ADK: variants seen among roughly 807,000 people sequenced by gnomAD.
ADK encodes adenosine kinase, also known as N6,N6-dimethyladenosine kinase.
Under a neutral mutation model 44.7 loss-of-function variants are expected in ADK, and 24 were observed. The ratio of observed to expected loss-of-function variants is 0.54; its 90% CI spans 0.39 to 0.76. ADK has a LOEUF of 0.76. ADK is among the 30% of genes least tolerant of loss of function. The pLI is 0.00. For missense variants in ADK, 321 were observed against 425.1 expected, an observed-to-expected ratio of 0.76 and a Z score of 2.15; for synonymous variants, 128 against 142.6, an observed-to-expected ratio of 0.90 and a Z score of 0.73.
At chr10:74,326,959 C>T (rs968677113) in intron 4 of ADK, among the ~76,000 whole-genome samples, 2 of 151,248 alleles carry the variant, frequency 1.3e-5, no homozygotes, top group Non-Finnish European at 3.0e-5. Context: ...AGGTTTGTTG[C>T]TTTTGGCTAT....
chr10:74,151,638 C>T (rs896613554), intron 1 of ADK, among the ~76,000 whole-genome samples: 50 of 152,226 alleles, frequency 3.3e-4, no homozygotes, highest in African/African-American at 1.2e-3. Flanking sequence ...CCAGGCTGGG[C>T]TGGTGCGACC....
intron 2 of ADK, among the ~76,000 whole-genome samples, chr10:74,207,438 G>A (rs774067915): frequency 9.2e-5 from 14 of 152,158 alleles, no homozygotes; most frequent in Non-Finnish European, 1.8e-4. Flanking sequence ...CTGCATCCAT[G>A]AACAGTGAGG....
chr10:74,238,859 T>TTC (rs1185847165), intron 3 of ADK, among the ~76,000 whole-genome samples: 15 of 137,898 alleles, frequency 1.1e-4, no homozygotes, highest in Non-Finnish European at 2.1e-4. Flanking sequence ...GCTAGTGCTT[T>TTC]TTTTTTTTTT....
intron 6 of ADK, among the ~76,000 whole-genome samples, chr10:74,448,421 G>A (rs928969412): frequency 6.6e-6 from 1 of 152,046 alleles, no homozygotes; most frequent in African/African-American, 2.4e-5. Context: ...TCATTAGATT[G>A]TTATGAGGAT....
chr10:74,559,244 C>A (rs375780557), intron 7 of ADK, among the ~76,000 whole-genome samples: 20 of 152,372 alleles, frequency 1.3e-4, no homozygotes, highest in East Asian at 9.6e-4. Context: ...GCAGACTACA[C>A]GCAACCTGGG....
chr10:74,508,352 A>G (rs1418332330), intron 6 of ADK: 1 of 152,188 alleles, frequency 6.6e-6, no homozygotes. Context: ...TGTAACTAAC[A>G]GTTGTAACAT....
At chr10:74,298,384 A>G (rs1212837895) in intron 3 of ADK, among the ~76,000 whole-genome samples, 2 of 152,174 alleles carry the variant, frequency 1.3e-5, no homozygotes, top group East Asian at 3.8e-4. Flanking sequence ...TGTAGCAGCT[A>G]AAGAATATTT....
intron 6 of ADK, among the ~76,000 whole-genome samples, chr10:74,445,149 A>T (rs977014561): frequency 6.6e-6 from 1 of 151,932 alleles, no homozygotes; most frequent in African/African-American, 2.4e-5. Context: ...ACCAAAAAAA[A>T]TTTTCTCGCC....
intron 6 of ADK, among the ~76,000 whole-genome samples, chr10:74,406,709 C>G (rs1317156392): frequency 1.4e-5 from 2 of 146,324 alleles, no homozygotes; most frequent in Non-Finnish European, 1.5e-5. Flanking sequence ...GAGATGGAGT[C>G]TTGCTCTGTC....
chr10:74,457,317 C>A (rs1027673917), intron 6 of ADK, among the ~76,000 whole-genome samples: 1 of 152,106 alleles, frequency 6.6e-6, no homozygotes, highest in Non-Finnish European at 1.5e-5. Flanking sequence ...ATAACAAGTT[C>A]TGAAATTGAG....
chr10:74,412,788 T>A (rs1001841762), intron 6 of ADK, among the ~76,000 whole-genome samples: 4 of 152,186 alleles, frequency 2.6e-5, no homozygotes, highest in Non-Finnish European at 4.4e-5. Context: ...CTGGGCACAG[T>A]GGCTTATGCC....
chr10:74,372,025 A>G, intron 4 of ADK: 3 of 771,148 alleles, frequency 3.9e-6, no homozygotes, highest in Non-Finnish European at 7.0e-6. Context: ...ATTCTATGCA[A>G]CAATAAGGGA....
At chr10:74,367,692 G>A (rs1842538132) in intron 4 of ADK, among the ~76,000 whole-genome samples, 1 of 152,152 alleles carries the variant, frequency 6.6e-6, no homozygotes, top group Non-Finnish European at 1.5e-5. Context: ...GAAGGTGATG[G>A]TTTGCCTTGT....
chr10:74,573,732 C>T (rs530492074), intron 7 of ADK, among the ~76,000 whole-genome samples: 24 of 152,256 alleles, frequency 1.6e-4, no homozygotes, highest in South Asian at 8.3e-4. Flanking sequence ...CCCCCAGCCT[C>T]GCTGCTGCCT....
At chr10:74,285,752 GA>G (rs1215240420) in intron 3 of ADK, among the ~76,000 whole-genome samples, 1 of 152,132 alleles carries the variant, frequency 6.6e-6, no homozygotes, top group Non-Finnish European at 1.5e-5. Context: ...AGGAGGCCTT[GA>G]AACGTGTCAG....
At chr10:74,194,979 C>T (rs1367177081) in intron 1 of ADK, among the ~76,000 whole-genome samples, 1 of 151,872 alleles carries the variant, frequency 6.6e-6, no homozygotes, top group African/African-American at 2.4e-5. Flanking sequence ...AAATATATGT[C>T]AGTATAAAAT....
At chr10:74,676,044 TAA>T (rs11458497) in intron 10 of ADK, among the ~76,000 whole-genome samples, 3 of 143,826 alleles carry the variant, frequency 2.1e-5, no homozygotes, top group Non-Finnish European at 1.5e-5. Flanking sequence ...TTCTTAGAAT[TAA>T]AAAAAAAAAA....
At chr10:74,288,448 G>A (rs780486095) in intron 3 of ADK, among the ~76,000 whole-genome samples, 2 of 152,012 alleles carry the variant, frequency 1.3e-5, no homozygotes, top group African/African-American at 2.4e-5. Flanking sequence ...TCAGGAGTTC[G>A]AGACCAGCCT....
intron 3 of ADK, among the ~76,000 whole-genome samples, chr10:74,312,745 A>G (rs1002812710): frequency 1.3e-5 from 2 of 150,458 alleles, no homozygotes; most frequent in South Asian, 2.1e-4. Context: ...TCTCTAAAAA[A>G]AAAAAAAATA....
Sources: allele counts gnomAD v4.1 joint callset (sites outside exome capture counted in the v4.1 genomes callset), GRCh38; gene constraint gnomAD v4.1.1; transcripts MANE v1.5; gene names NCBI Gene and HGNC (gene_info 2026-07-23, HGNC 2026-07-21).